The following CC2D1B variants were observed in gnomAD, a reference collection of about 807,000 sequenced individuals.
CC2D1B encodes coiled-coil and C2 domain-containing protein 1B.
CC2D1B carries 92 observed loss-of-function variants against 110.8 expected under a neutral mutation model. The ratio of observed to expected loss-of-function variants is 0.83; its 90% confidence interval spans 0.70 to 0.99. The LOEUF is 0.99. CC2D1B is among the 50% of genes least tolerant of loss of function. CC2D1B has a pLI of 0.00. For synonymous variants in CC2D1B, 406 were observed against 429.2 expected, an observed-to-expected ratio of 0.95 and a Z score of 0.67; for missense variants, 1,136 against 1,089.0, an observed-to-expected ratio of 1.04 and a Z score of -0.61.
intron 24 of CC2D1B, 77 bp downstream of exon 24, chr1:52,353,441 C>A: frequency 1.3e-6 from 2 of 1,532,464 alleles, no homozygotes; most frequent in Non-Finnish European, 1.7e-6. Context: ...CCTAGGTTTT[C>A]TCTCCAGATA....
intron 2 of CC2D1B, 29 bp downstream of exon 2, chr1:52,364,523 C>A (rs1646844905): frequency 2.0e-6 from 3 of 1,532,520 alleles, no homozygotes; most frequent in South Asian, 2.3e-5. Context: ...CCAAACCGAC[C>A]CAGTAGCCTA....
chr1:52,361,182 C>T, intron 4 of CC2D1B, 50 bp from the exon 5 acceptor site: 1 of 1,606,202 alleles, frequency 6.2e-7, no homozygotes, highest in Non-Finnish European at 8.5e-7. Flanking sequence ...AAGACCATAC[C>T]CACAACAGGA....
In CC2D1B at chr1:52,357,139, C is replaced by G; in HGVS notation, c.1753-13G>C. On this transcript the variant is annotated splice_polypyrimidine_tract_variant and intron_variant, in intron 15 of 24. Coordinates refer to ENST00000284376, the MANE Select transcript of CC2D1B (RefSeq NM_001330585.2). ...AGGGCGAAGGCACCTACCCAGGTCA[C>G]AAGGCCCCTCGGGCCCCAAGAGTCA... 6.2e-7 allele frequency: 1 copy of G among 1,613,770 alleles called. No individual in the cohort carries two copies. Among genetic ancestry groups the G allele is most frequent in the African/African-American group, 1.3e-5 (1 of 75,026 alleles).
At chr1:52,358,651 C>A (rs1646707523) in intron 12 of CC2D1B, 35 bp downstream of exon 12, 1 of 1,604,810 alleles carries the variant, frequency 6.2e-7, no homozygotes, top group South Asian at 1.1e-5. Context: ...CAGGGACCAC[C>A]TCCTCACAGA....
At chr1:52,355,273 A>G (rs1328059238) in intron 21 of CC2D1B, 125 bp downstream of exon 21, 4 of 999,698 alleles carry the variant, frequency 4.0e-6, no homozygotes, top group Non-Finnish European at 6.1e-6. Context: ...GAAGCATGTT[A>G]ACAGCACCTT....
rs1460208879 is a variant in CC2D1B, at chr1:52,360,448, G to A, written c.579C>T (p.Ala193=). The change falls in exon 6 of 25, where the codon GCC becomes GCT. Residue 193 remains alanine (A), a synonymous_variant. Transcript: ENST00000284376. Reference sequence around the variant, plus strand: ...CCTTCAGGCCGCGCTCGCAGCGCCTGGCTTTGGCTGCTTCGCCTGCCTCCT... The same window carrying A: ...CCTTCAGGCCGCGCTCGCAGCGCCTAGCTTTGGCTGCTTCGCCTGCCTCCT... The part of the protein sequence containing the change: ...SAKEAGEAAK[A]RRCERGLKTL... 4 of 1,613,770 alleles carry A rather than the reference G, an allele frequency of 2.5e-6. No homozygotes were observed. The African/African-American group carries it at 5.3e-5, about 22-fold the overall frequency.
chr1:52,366,011 C>T (rs1254552574), intron 1 of CC2D1B, 58 bp downstream of exon 1: 4 of 152,442 alleles, frequency 2.6e-5, no homozygotes, highest in Non-Finnish European at 5.9e-5. Flanking sequence ...CGCGCCGCCT[C>T]CATCTACCCC....
intron 3 of CC2D1B, among the ~76,000 whole-genome samples, chr1:52,362,107 C>T (rs1423663365): frequency 3.3e-5 from 5 of 152,178 alleles, no homozygotes; most frequent in Non-Finnish European, 7.4e-5. Flanking sequence ...TTCCTAGGTC[C>T]TCCCATTATC....
intron 11 of CC2D1B, 25 bp from the exon 12 acceptor site, chr1:52,358,783 C>T: frequency 6.3e-7 from 1 of 1,593,552 alleles, no homozygotes; most frequent in Non-Finnish European, 8.5e-7. Flanking sequence ...AGGGAGGGGC[C>T]TGTGGTCGGC....
At chr1:52,356,886 G>T in intron 16 of CC2D1B, 115 bp downstream of exon 16, 2 of 1,242,906 alleles carry the variant, frequency 1.6e-6, no homozygotes, top group Non-Finnish European at 2.2e-6. Context: ...CACACAGTGA[G>T]TAAGTGGAAG....
Position 52,356,303 on chromosome 1 carries a change from C to G in CC2D1B, c.1938-1G>C. 1 of 1,614,226 alleles carries G rather than the reference C, an allele frequency of 6.2e-7. No homozygotes were observed. Among genetic ancestry groups the G allele is most frequent in the Non-Finnish European group, 8.5e-7 (1 of 1,180,036 alleles). On this transcript the variant is annotated splice_acceptor_variant, in intron 17 of 24. Coordinates refer to ENST00000284376, the MANE Select transcript of CC2D1B (RefSeq NM_001330585.2). LOFTEE classifies it high-confidence loss of function. ...GCGGTCCTGAGCAAGCTTCTCAAAT[C>G]TGACAGGGATGGGTATGTCAGCATG...
At position 52,366,112 on chromosome 1, in the gene CC2D1B, C is replaced by T. The variant is rs1646875705; in HGVS notation, c.-58G>A. 6.6e-6 allele frequency: 1 copy of T among 152,316 alleles called. No individual in the cohort carries two copies. Among genetic ancestry groups the T allele is most frequent in the African/African-American group, 2.4e-5 (1 of 41,470 alleles). The allele number at this position is 152,316 out of a possible 1,614,324, so 9.4% of individuals were successfully genotyped here. A position where few individuals can be genotyped will look rare whatever the true frequency, so the allele number is the denominator to read the frequency against. Reference sequence around the variant, plus strand: ...CAAACCCCGGCCTTGTCTCACCCGGCACCGCCCTGGGCTCCCGCGGGCCCT... The same window carrying T: ...CAAACCCCGGCCTTGTCTCACCCGGTACCGCCCTGGGCTCCCGCGGGCCCT... On this transcript the variant is annotated 5_prime_UTR_variant, in exon 1 of 25. Coordinates refer to ENST00000284376, the MANE Select transcript of CC2D1B (RefSeq NM_001330585.2).
rs1646562001 is a variant in CC2D1B, at chr1:52,353,186, A to G, written c.*39T>C. 2.8e-5 allele frequency: 37 copies of G among 1,327,844 alleles called. No homozygotes were observed. Among genetic ancestry groups the G allele is most frequent in the Non-Finnish European group, 3.6e-5 (36 of 1,004,904 alleles). The allele number at this position is 1,327,844 out of a possible 1,614,324, so 82.3% of individuals were successfully genotyped here. A position where few individuals can be genotyped will look rare whatever the true frequency, so the allele number is the denominator to read the frequency against. On this transcript the variant is annotated 3_prime_UTR_variant, in exon 25 of 25. Transcript: ENST00000284376. The stretch of plus-strand genomic sequence containing the variant: ...AAGCTGGGAAAGTCATCTCCTGCAC[A>G]GTCGCGGCCTGACTCCTCTCCTGGT...
chr1:52,359,993 G>T (rs1646744188), intron 7 of CC2D1B, 81 bp downstream of exon 7: 1 of 1,543,502 alleles, frequency 6.5e-7, no homozygotes, highest in Non-Finnish European at 8.8e-7. Flanking sequence ...CAATGGTAAT[G>T]AACAGTGGTG....
At chr1:52,357,276 A>T in intron 15 of CC2D1B, 150 bp from the exon 16 acceptor site, 1 of 1,022,986 alleles carries the variant, frequency 9.8e-7, no homozygotes, top group Non-Finnish European at 1.4e-6. Context: ...ATCCCAAAAT[A>T]ACACTCTTGC....
Position 52,361,625 on chromosome 1 carries a change from A to G in CC2D1B, c.215-9T>C, listed in dbSNP as rs376521126. 18 of 1,613,480 alleles carry G rather than the reference A, an allele frequency of 1.1e-5. No homozygotes were observed. Among genetic ancestry groups the G allele is most frequent in the Middle Eastern group, 1.6e-4 (1 of 6,084 alleles). ...GGCCATGGGCAGGGGGGCTGGGGGA[A>G]AAAGGTCACAACAAGTCAGCACAAC... On this transcript the variant is annotated splice_polypyrimidine_tract_variant and intron_variant, in intron 3 of 24. Transcript: ENST00000284376.
In CC2D1B at chr1:52,360,123, G is replaced by C. The variant is rs754568431; in HGVS notation, c.714C>G (p.Ala238=). Residue 238 remains alanine (A), a synonymous_variant, in exon 7 of 25, where the codon GCC becomes GCG. Coordinates refer to ENST00000284376, the MANE Select transcript of CC2D1B (RefSeq NM_001330585.2). Reference sequence around the variant, plus strand: ...GAGGGTCTGTCTCAGGGCTCCTGTTGGCTGGTTCCTGGGGGGCCAGGGGCC... The same window carrying C: ...GAGGGTCTGTCTCAGGGCTCCTGTTCGCTGGTTCCTGGGGGGCCAGGGGCC... ...GKRPLAPQEP[A]NRSPETDPPA... is the part of the protein sequence containing the mutation. 2 of 1,607,636 alleles carry C rather than the reference G, an allele frequency of 1.2e-6. No homozygotes were observed.
At chr1:52,365,189 TCA>T (rs777082086) in intron 1 of CC2D1B, among the ~76,000 whole-genome samples, 4 of 152,214 alleles carry the variant, frequency 2.6e-5, no homozygotes, top group Non-Finnish European at 5.9e-5. Context: ...CATAAAGATC[TCA>T]CAGTTATTCA....
At chr1:52,353,824 G>A in intron 23 of CC2D1B, 177 bp from the exon 24 acceptor site, 1 of 551,224 alleles carries the variant, frequency 1.8e-6, no homozygotes, top group Non-Finnish European at 3.2e-6. Context: ...GGTGGTGGTG[G>A]TTTTAGGTGA....
Sources: gnomAD v4.1 joint callset for allele counts (sites outside exome capture counted in the v4.1 genomes callset) on GRCh38, gnomAD v4.1.1 for gene constraint, MANE v1.5 for transcripts, NCBI Gene and HGNC (gene_info 2026-07-23, HGNC 2026-07-21) for gene names.